The following KDM4B variants were observed in gnomAD, a reference collection of about 807,000 sequenced individuals.
KDM4B encodes the protein lysine demethylase 4B.
In KDM4B, 32 loss-of-function variants were observed where a neutral mutation model predicts 125.2. The observed-to-expected ratio is 0.26, with a 90% CI of 0.19 to 0.34. The LOEUF (loss-of-function observed/expected upper bound fraction) is 0.34. Among genes scored for constraint, KDM4B ranks in the 10% least tolerant of loss-of-function variants. The probability of loss-of-function intolerance (pLI) is 1.00; values close to 1 mark genes in which losing one functional copy is unlikely to be tolerated. For missense variants in KDM4B, 1,190 were observed against 1,577.7 expected (o/e 0.75, Z 4.16); for synonymous variants, 721 against 677.9 (o/e 1.06, Z -0.99).
chr19:5,101,397 G>T (rs2038930689), intron 9 of KDM4B, among the ~76,000 whole-genome samples: 1 of 150,662 alleles, frequency 6.6e-6, no homozygotes, highest in African/African-American at 2.4e-5. Flanking sequence ...AGTGGCTCAT[G>T]CCTGTAGTGC....
Position 4,969,494 on chromosome 19 carries a change from G to T in KDM4B, c.-109+264G>T, listed in dbSNP as rs537999307. ...GCGGGGCGCGCCCAGGGGCGGGAGC[G>T]GGGGCCCCTTCCCGGGCCGGGGGCG... On this transcript the variant is annotated intron_variant, in intron 1 of 22. Coordinates refer to ENST00000159111, the MANE Select transcript of KDM4B (RefSeq NM_015015.3). Among the ~76,000 whole-genome samples, 704 of 149,458 alleles carry T rather than the reference G, an allele frequency of 4.7e-3. 4 individuals are homozygous for T. The highest frequency in any genetic ancestry group is 0.016 in the African/African-American group (674 of 41,238).
At chr19:5,129,421 C>G (rs2039505226) in intron 11 of KDM4B, among the ~76,000 whole-genome samples, 1 of 152,168 alleles carries the variant, frequency 6.6e-6, no homozygotes. Flanking sequence ...GCATCACGGA[C>G]TGTGGAGCTG....
intron 1 of KDM4B, among the ~76,000 whole-genome samples, chr19:4,975,307 G>T (rs1313232882): frequency 6.6e-6 from 1 of 152,140 alleles, no homozygotes; most frequent in African/African-American, 2.4e-5. Context: ...GGACACAAAC[G>T]TGAATTCCGT....
rs373320033 is a variant in KDM4B, at chr19:5,013,173, CAG to C, written c.-108-3083_-108-3082del. Reference sequence around the variant, plus strand: ...CTGAGGTCTGTCCAGCTGAGAGCCTCAGGGTCTGGTGGCTTCCATGCCTTCTT... The same window carrying C: ...CTGAGGTCTGTCCAGCTGAGAGCCTCGGTCTGGTGGCTTCCATGCCTTCTT... On this transcript the variant is annotated intron_variant, in intron 1 of 22. Coordinates refer to ENST00000159111, the MANE Select transcript of KDM4B (RefSeq NM_015015.3). Among the ~76,000 whole-genome samples, 25 of 152,340 alleles carry C rather than the reference CAG, an allele frequency of 1.6e-4. No individual in the cohort carries two copies. The East Asian group carries it at 4.1e-3, about 25-fold the overall frequency.
chr19:5,090,628 C>T (rs1489594292), intron 9 of KDM4B, among the ~76,000 whole-genome samples: 3 of 108,960 alleles, frequency 2.8e-5, no homozygotes, highest in African/African-American at 3.8e-5. Flanking sequence ...CTCCCCGCTG[C>T]GCGCGTGCGC....
chr19:5,005,020 G>A (rs542186467), intron 1 of KDM4B, among the ~76,000 whole-genome samples: 3 of 152,340 alleles, frequency 2.0e-5, no homozygotes, highest in East Asian at 3.9e-4. Context: ...AGGTACCTGT[G>A]TAGCGTCTTC....
In KDM4B at chr19:5,131,113, G is replaced by C; in HGVS notation, c.1353G>C (p.Lys451Asn). ...GCAAGCTGCGGCCAACCAAGGCCAA[G>C]AGCGAGCGGAAGAAGAAGAGCTTCG... Reference protein sequence around the residue: ...GRGKLRPTKAKSERKKKSFGL... With the variant: ...GRGKLRPTKANSERKKKSFGL... The change falls in exon 12 of 23, where the codon AAG (lysine) becomes AAC (asparagine). Residue 451 changes from lysine (K) to asparagine (N), a missense_variant. Physicochemically the swap from Lys to Asn is moderately conservative, Grantham distance 94. Coordinates refer to ENST00000159111, the MANE Select transcript of KDM4B (RefSeq NM_015015.3). The C allele has an allele frequency of 6.6e-7, 1 of 1,524,854 alleles. No individual in the cohort carries two copies. The highest frequency in any genetic ancestry group is 8.8e-7 in the Non-Finnish European group (1 of 1,135,586). The allele number at this position is 1,524,854 out of a possible 1,614,324, so 94.5% of individuals were successfully genotyped here. A position where few individuals can be genotyped will look rare whatever the true frequency, so the allele number is the denominator to read the frequency against.
chr19:5,005,693 G>T (rs542748816), intron 1 of KDM4B, among the ~76,000 whole-genome samples: 3 of 152,172 alleles, frequency 2.0e-5, no homozygotes, highest in African/African-American at 7.2e-5. Context: ...GGCCTTGGGG[G>T]ACTGTGCTCT....
intron 10 of KDM4B, among the ~76,000 whole-genome samples, chr19:5,116,857 G>A (rs990369309): frequency 2.2e-4 from 34 of 152,214 alleles, no homozygotes; most frequent in African/African-American, 7.5e-4. Context: ...GAGAGAAGGG[G>A]ACGGTCATGG....
At chr19:5,067,532 A>T (rs1403103648) in intron 6 of KDM4B, among the ~76,000 whole-genome samples, 1 of 149,264 alleles carries the variant, frequency 6.7e-6, no homozygotes, top group East Asian at 2.0e-4. Context: ...AGAGGGTGAG[A>T]GGTGGTCAGC....
rs759028078 is a variant in KDM4B, at chr19:5,111,358, G to A, written c.1115+540G>A. 5.5e-5 allele frequency: 42 copies of A among 759,722 alleles called. No individual in the cohort carries two copies. In the East Asian group the frequency reaches 1.0e-3, roughly 18 times the overall value. The allele number at this position is 759,722 out of a possible 1,614,324, so 47.1% of individuals were successfully genotyped here. Reference sequence around the variant, plus strand: ...CCGGCCCCGGGGCGTGACCCTGGATGCCCTCCTCCCACTCAGAACCCCTCC... The same window carrying A: ...CCGGCCCCGGGGCGTGACCCTGGATACCCTCCTCCCACTCAGAACCCCTCC... On this transcript the variant is annotated intron_variant, in intron 10 of 22. Transcript: ENST00000159111.
At chr19:5,068,361 TG>T (rs1384419877) in intron 6 of KDM4B, among the ~76,000 whole-genome samples, 1 of 152,216 alleles carries the variant, frequency 6.6e-6, no homozygotes, top group Non-Finnish European at 1.5e-5. Context: ...TCCTTTGGAC[TG>T]GGCTTTTCAG....
At chr19:5,057,079 T>C (rs535346875) in intron 6 of KDM4B, among the ~76,000 whole-genome samples, 8 of 129,708 alleles carry the variant, frequency 6.2e-5, no homozygotes, top group Non-Finnish European at 9.9e-5. Context: ...CGCGCGCGCG[T>C]ATGTTAGCAA....
intron 6 of KDM4B, among the ~76,000 whole-genome samples, chr19:5,068,856 C>T (rs994413206): frequency 5.3e-5 from 8 of 152,230 alleles, no homozygotes; most frequent in African/African-American, 1.7e-4. Context: ...TAACATTCGC[C>T]AGATTCAATT....
intron 9 of KDM4B, among the ~76,000 whole-genome samples, chr19:5,107,236 G>A (rs1354282161): frequency 6.6e-6 from 1 of 152,246 alleles, no homozygotes; most frequent in African/African-American, 2.4e-5. Context: ...CAGGCCCTGG[G>A]GCGTGCTCAG....
chr19:5,105,129 G>T (rs776230725), intron 9 of KDM4B, among the ~76,000 whole-genome samples: 1 of 152,216 alleles, frequency 6.6e-6, no homozygotes, highest in Non-Finnish European at 1.5e-5. Context: ...TACATGGCTG[G>T]CTTGGGCTGA....
chr19:4,972,066 C>T (rs946083335), intron 1 of KDM4B, among the ~76,000 whole-genome samples: 1 of 152,192 alleles, frequency 6.6e-6, no homozygotes, highest in Non-Finnish European at 1.5e-5. Context: ...TGAGGCAGCT[C>T]GATGGGGTCT....
At position 5,134,040 on chromosome 19, in the gene KDM4B, G is replaced by A. The variant is rs759615632; in HGVS notation, c.2064G>A (p.Thr688=). ...ARTEPYCAIC[T]LFYPYCQALQ... Reference sequence around the variant, plus strand: ...CGGAGCCCTACTGCGCCATCTGCACGCTCTTCTACCCCTACTGCCAGGTGG... The same window carrying A: ...CGGAGCCCTACTGCGCCATCTGCACACTCTTCTACCCCTACTGCCAGGTGG... The change falls in exon 14 of 23, where the codon ACG becomes ACA. Residue 688 remains threonine, a synonymous_variant. Transcript: ENST00000159111. The A allele has an allele frequency of 1.4e-5, 22 of 1,604,104 alleles. No homozygotes were observed. The highest frequency in any genetic ancestry group is 9.4e-5 in the African/African-American group (7 of 74,838).
chr19:4,978,422 G>A (rs1158550697), intron 1 of KDM4B, among the ~76,000 whole-genome samples: 10 of 139,400 alleles, frequency 7.2e-5, no homozygotes, highest in Admixed American at 7.0e-4. Flanking sequence ...GAGGAGAATC[G>A]CTTGAACCTG....
Sources: allele counts gnomAD v4.1 joint callset (sites outside exome capture counted in the v4.1 genomes callset), GRCh38; gene constraint gnomAD v4.1.1; transcripts MANE v1.5; gene names NCBI Gene and HGNC (gene_info 2026-07-23, HGNC 2026-07-21).